Variants in CMYA5 observed in about 807,000 individuals in gnomAD.
CMYA5 encodes cardiomyopathy associated 5, also known as cardiomyopathy-associated protein 5.
In CMYA5, 246 loss-of-function variants were observed where a neutral mutation model predicts 318.9. The observed-to-expected ratio is 0.77, with a 90% CI of 0.70 to 0.86. CMYA5 has a LOEUF of 0.86. Among genes scored for constraint, CMYA5 ranks in the 40% least tolerant of loss-of-function variants. The probability of loss-of-function intolerance (pLI) is 0.00; values close to 1 mark genes in which losing one functional copy is unlikely to be tolerated. For synonymous variants in CMYA5, 1,641 were observed against 1,729.5 expected (o/e 0.95, Z 1.27); for missense variants, 4,589 against 4,678.2 (o/e 0.98, Z 0.56).
intron 10 of CMYA5, among the ~76,000 whole-genome samples, chr5:79,790,608 G>A (rs975044349): frequency 2.0e-5 from 3 of 152,182 alleles, no homozygotes; most frequent in Non-Finnish European, 4.4e-5. Context: ...ATTTCCTGAG[G>A]ATCTTGTTAA....
chr5:79,742,118 T>G, intron 2 of CMYA5, among the ~76,000 whole-genome samples: 1 of 147,356 alleles, frequency 6.8e-6, no homozygotes, highest in Admixed American at 6.7e-5. Flanking sequence ...CTCTTCTTCT[T>G]CTTCTTCCTC....
chr5:79,715,291 TAA>T lies in CMYA5; in HGVS notation c.150-13623_150-13622del, dbSNP rs1368274774. Reference sequence around the variant, plus strand: ...TAGCTTATTGTTATTTTAATAATAATAATTTTTTTTTTCTGTGACAGAGTCTC... The same window carrying T: ...TAGCTTATTGTTATTTTAATAATAATTTTTTTTTTTCTGTGACAGAGTCTC... On this transcript the variant is annotated intron_variant, in intron 1 of 12. Coordinates refer to ENST00000446378, the MANE Select transcript of CMYA5 (RefSeq NM_153610.5). Among the ~76,000 whole-genome samples the T allele has an allele frequency of 4.5e-5, 5 of 110,846 alleles. No individual in the cohort carries two copies. The South Asian group carries it at 1.4e-3, about 31-fold the overall frequency. 72.7% of individuals were successfully genotyped at this position (110,846 alleles called of 152,430 possible).
chr5:79,725,545 C>A (rs1477648247), intron 1 of CMYA5, among the ~76,000 whole-genome samples: 2 of 152,204 alleles, frequency 1.3e-5, no homozygotes, highest in Non-Finnish European at 2.9e-5. Context: ...TAATAGAAGC[C>A]CCAAACTCAG....
chr5:79,752,633 G>C (rs1187394134), intron 5 of CMYA5, 43 bp from the exon 6 acceptor site: 16 of 1,407,626 alleles, frequency 1.1e-5, no homozygotes, highest in Non-Finnish European at 1.5e-5. Context: ...CATTCTGTAT[G>C]TTAATAATTT....
At position 79,799,689 on chromosome 5, in the gene CMYA5, CTA is replaced by C; in HGVS notation, c.*76_*77del. 1 of 1,499,230 alleles carries C rather than the reference CTA, an allele frequency of 6.7e-7. No homozygotes were observed. Among genetic ancestry groups the C allele is most frequent in the Non-Finnish European group, 9.0e-7 (1 of 1,117,158 alleles). The allele number at this position is 1,499,230 out of a possible 1,614,324, so 92.9% of individuals were successfully genotyped here. A position where few individuals can be genotyped will look rare whatever the true frequency, so the allele number is the denominator to read the frequency against. The stretch of plus-strand genomic sequence containing the variant: ...GGTCTGCTGTTCATTCCTTTAGGTG[CTA>C]TACATTATTCAAAAAGTCTCCCGCG... On this transcript the variant is annotated 3_prime_UTR_variant, in exon 13 of 13. Transcript: ENST00000446378.
intron 1 of CMYA5, among the ~76,000 whole-genome samples, chr5:79,718,246 A>G (rs1561200558): frequency 6.6e-6 from 1 of 152,132 alleles, no homozygotes; most frequent in Non-Finnish European, 1.5e-5. Flanking sequence ...TTTTTCAGCT[A>G]AACACATTAA....
intron 9 of CMYA5, among the ~76,000 whole-genome samples, chr5:79,788,549 G>T (rs1829120498): frequency 6.7e-6 from 1 of 149,062 alleles, no homozygotes; most frequent in African/African-American, 2.5e-5. Flanking sequence ...CTTCTTTAAA[G>T]ATCTTTGGTT....
In CMYA5 at chr5:79,789,059, T is replaced by G. The variant is rs779931981; in HGVS notation, c.11644T>G (p.Phe3882Val). The G allele has an allele frequency of 1.2e-6, 2 of 1,613,970 alleles. No homozygotes were observed. Among genetic ancestry groups the G allele is most frequent in the South Asian group, 2.2e-5 (2 of 91,082 alleles). Reference protein sequence around the residue: ...YFFYVRAINAFGTSEQSEAAL... With the variant: ...YFFYVRAINAVGTSEQSEAAL... Reference sequence around the variant, plus strand: ...TTTCTATGTGAGGGCCATCAATGCATTTGGGACAAGTGAACAGAGTGAAGC... The same window carrying G: ...TTTCTATGTGAGGGCCATCAATGCAGTTGGGACAAGTGAACAGAGTGAAGC... The change falls in exon 10 of 13, where the codon TTT (phenylalanine) becomes GTT (valine). Residue 3882 changes from phenylalanine to valine, a missense_variant. By Grantham distance (50) the Phe-to-Val change is conservative. Around this residue, in one of 3 missense-constraint regions of CMYA5, gnomAD observed 2,431 missense variants for 2,495.1 expected, o/e 0.97. Transcript: ENST00000446378.
chr5:79,763,272 A>C, intron 9 of CMYA5, 63 bp downstream of exon 9: 8 of 1,386,664 alleles, frequency 5.8e-6, no homozygotes, highest in Non-Finnish European at 6.8e-6. Context: ...TGGGTCCTAA[A>C]CTACCCTCTA....
chr5:79,786,518 AG>A (rs1409035307), intron 9 of CMYA5, among the ~76,000 whole-genome samples: 2 of 152,194 alleles, frequency 1.3e-5, no homozygotes, highest in East Asian at 3.9e-4. Flanking sequence ...CACTCACCTT[AG>A]TTTGGGTATT....
intron 1 of CMYA5, among the ~76,000 whole-genome samples, chr5:79,700,724 C>A (rs141869873): frequency 1.6e-4 from 25 of 152,184 alleles, no homozygotes; most frequent in African/African-American, 6.0e-4. Context: ...TATTATTCGG[C>A]TATAAAAAGC....
At position 79,745,329 on chromosome 5, in the gene CMYA5, G is replaced by A; in HGVS notation, c.10842G>A (p.Lys3614=). ...DEKAQSFEEV[K]KKKMEFLHEQ... is the part of the protein sequence containing the mutation. ...AAGCCCAGAGCTTTGAGGAAGTGAAGAAGAAGAAGATGGAGTTCCTGCATG... is the reference window on the plus strand; with the variant it reads ...AAGCCCAGAGCTTTGAGGAAGTGAAAAAGAAGAAGATGGAGTTCCTGCATG... The change falls in exon 4 of 13, where the codon AAG becomes AAA. Residue 3614 remains lysine, a synonymous_variant. Coordinates refer to ENST00000446378, the MANE Select transcript of CMYA5 (RefSeq NM_153610.5). 1 of 1,613,842 alleles carries A rather than the reference G, an allele frequency of 6.2e-7. No homozygotes were observed. Among genetic ancestry groups the A allele is most frequent in the South Asian group, 1.1e-5 (1 of 91,084 alleles).
chr5:79,691,625 T>C (rs549399961), intron 1 of CMYA5, among the ~76,000 whole-genome samples: 34 of 152,338 alleles, frequency 2.2e-4, no homozygotes, highest in African/African-American at 7.9e-4. Flanking sequence ...ATCCAATTTA[T>C]TTTTTATTGG....
intron 9 of CMYA5, among the ~76,000 whole-genome samples, chr5:79,788,572 G>A (rs1226008798): frequency 6.7e-6 from 1 of 148,632 alleles, no homozygotes; most frequent in African/African-American, 2.5e-5. Flanking sequence ...TATTAACTTT[G>A]GTGGCTTTAG....
intron 1 of CMYA5, among the ~76,000 whole-genome samples, chr5:79,705,435 A>C (rs1283568443): frequency 6.7e-6 from 1 of 150,186 alleles, no homozygotes; most frequent in Non-Finnish European, 1.5e-5. Flanking sequence ...TTTTTTTTAC[A>C]ATCAGGAATG....
Position 79,737,231 on chromosome 5 carries a change from A to G in CMYA5, c.8466A>G (p.Ser2822=). The G allele has an allele frequency of 6.2e-7, 1 of 1,613,766 alleles. No homozygotes were observed. Among genetic ancestry groups the G allele is most frequent in the Non-Finnish European group, 8.5e-7 (1 of 1,179,788 alleles). Residue 2822 remains serine, a synonymous_variant, in exon 2 of 13, where the codon TCA becomes TCG. Transcript: ENST00000446378. ...LSPVKPQTLA[S]GASPEINAVK... ...CTGTAAAACCACAAACTCTTGCTTC[A>G]GGAGCTTCTCCAGAAATTAACGCAG...
In CMYA5 at chr5:79,733,914, T is replaced by A; in HGVS notation, c.5149T>A (p.Ser1717Thr). The change falls in exon 2 of 13, where the codon TCT becomes ACT. Residue 1717 changes from serine (S) to threonine (T), a missense_variant. Ser to Thr is a moderately conservative substitution (Grantham distance 58, BLOSUM62 1). Coordinates refer to ENST00000446378, the MANE Select transcript of CMYA5 (RefSeq NM_153610.5). ...TCAGAATGAAGAAATTAAACCTTTC[T>A]CTCCCAAGATCATCAGCCTAGAGTC... ...ESQNEEIKPF[S>T]PKIISLESKE... 2.5e-6 allele frequency: 4 copies of A among 1,612,916 alleles called. No individual in the cohort carries two copies. The highest frequency in any genetic ancestry group is 3.4e-6 in the Non-Finnish European group (4 of 1,179,712).
At position 79,739,028 on chromosome 5, in the gene CMYA5, T is replaced by A. The variant is rs772847962; in HGVS notation, c.10263T>A (p.Tyr3421Ter). The A allele has an allele frequency of 2.6e-5, 42 of 1,613,748 alleles. No individual in the cohort carries two copies. In the South Asian group the frequency reaches 4.3e-4, roughly 16 times the overall value. ...RLRNSPVQDEYEFTESLHNEV... is the reference protein window; with the variant it reads ...RLRNSPVQDE Reference sequence around the variant, plus strand: ...GTAATAGCCCTGTTCAGGATGAGTATGAATTTACAGAATCCCTGCATAATG... The same window carrying A: ...GTAATAGCCCTGTTCAGGATGAGTAAGAATTTACAGAATCCCTGCATAATG... Residue 3421 changes from tyrosine (Y) to a stop codon, truncating the protein, a stop_gained, in exon 2 of 13, where the codon TAT becomes TAA. Transcript: ENST00000446378. LOFTEE classifies it high-confidence loss of function.
rs976457528 is a variant in CMYA5, at chr5:79,773,180, G to C, written c.11555+9971G>C. On this transcript the variant is annotated intron_variant, in intron 9 of 12. Coordinates refer to ENST00000446378, the MANE Select transcript of CMYA5 (RefSeq NM_153610.5). ...GTGAAGTTGTCATCTCAGTGCCTAT[G>C]ACAGTGCCTGGCATATTGTAACTAC... Among the ~76,000 whole-genome samples, 7 of 152,196 alleles carry C rather than the reference G, an allele frequency of 4.6e-5. No homozygotes were observed. In the East Asian group the frequency reaches 1.3e-3, roughly 29 times the overall value.
Sources: allele counts gnomAD v4.1 joint callset (sites outside exome capture counted in the v4.1 genomes callset), GRCh38; gene constraint gnomAD v4.1.1; regional missense constraint gnomAD v4.1.1; transcripts MANE v1.5; gene names NCBI Gene and HGNC (gene_info 2026-07-23, HGNC 2026-07-21).